PKHD1: variants seen among roughly 807,000 people sequenced by gnomAD.
The protein encoded by PKHD1 is fibrocystin.
In PKHD1, 291 loss-of-function variants were observed where a neutral mutation model predicts 412.0. The observed-to-expected ratio is 0.71, with a 90% confidence interval of 0.64 to 0.78. PKHD1 has a LOEUF of 0.78. PKHD1 is among the 30% of genes least tolerant of loss of function. PKHD1 has a pLI of 0.00. For synonymous variants in PKHD1, 1,777 were observed against 1,821.5 expected, an observed-to-expected ratio of 0.98 and a Z score of 0.62; for missense variants, 4,825 against 4,950.7, an observed-to-expected ratio of 0.97 and a Z score of 0.76.
At chr6:51,836,652 C>T (rs1416642976) in intron 50 of PKHD1, among the ~76,000 whole-genome samples, 183 bp from the exon 51 acceptor site, 1 of 152,192 alleles carries the variant, frequency 6.6e-6, no homozygotes, top group Non-Finnish European at 1.5e-5. Flanking sequence ...TGATTGCTTT[C>T]ATTTGATTAA....
chr6:51,841,176 A>G (rs1189986366), intron 50 of PKHD1, among the ~76,000 whole-genome samples: 18 of 152,222 alleles, frequency 1.2e-4, no homozygotes, highest in Non-Finnish European at 2.5e-4. Flanking sequence ...GGTTAGGTAT[A>G]TAAGCTCAGA....
At chr6:51,834,093 G>A (rs539764942) in intron 51 of PKHD1, among the ~76,000 whole-genome samples, 76 of 152,262 alleles carry the variant, frequency 5.0e-4, no homozygotes, top group African/African-American at 1.8e-3. Flanking sequence ...TGAAGAGGAG[G>A]CTAGGCTTTT....
At chr6:51,754,460 A>T (rs1786630707) in intron 56 of PKHD1, among the ~76,000 whole-genome samples, 1 of 152,192 alleles carries the variant, frequency 6.6e-6, no homozygotes, top group African/African-American at 2.4e-5. Flanking sequence ...CATAAGTTTT[A>T]TTCTGGCTTA....
chr6:52,017,819 T>C (rs970489628), intron 33 of PKHD1, among the ~76,000 whole-genome samples, 190 bp from the exon 34 acceptor site: 5 of 152,232 alleles, frequency 3.3e-5, no homozygotes, highest in African/African-American at 9.6e-5. Flanking sequence ...TTGTAAAATA[T>C]GAATAATCAT....
intron 35 of PKHD1, among the ~76,000 whole-genome samples, chr6:51,966,998 C>CT (rs1792907883): frequency 6.6e-6 from 1 of 152,012 alleles, no homozygotes; most frequent in Admixed American, 6.5e-5. Flanking sequence ...AAAGGGTGTG[C>CT]TTGGAGTACT....
intron 35 of PKHD1, among the ~76,000 whole-genome samples, chr6:51,972,742 G>A (rs1363526455): frequency 3.3e-5 from 5 of 152,134 alleles, no homozygotes; most frequent in Non-Finnish European, 2.9e-5. Flanking sequence ...AAACACATCC[G>A]CCACACATTG....
intron 60 of PKHD1, among the ~76,000 whole-genome samples, chr6:51,716,077 A>C (rs1582244638): frequency 6.6e-6 from 1 of 152,248 alleles, no homozygotes; most frequent in South Asian, 2.1e-4. Flanking sequence ...TACTAAAGGC[A>C]CATTTGCTAA....
intron 60 of PKHD1, among the ~76,000 whole-genome samples, chr6:51,716,594 C>T (rs529277821): frequency 6.6e-6 from 1 of 152,056 alleles, no homozygotes; most frequent in Non-Finnish European, 1.5e-5. Flanking sequence ...GCTCCCCTTT[C>T]TTCTGGTTAT....
chr6:51,886,247 T>G (rs1442282944), intron 44 of PKHD1, among the ~76,000 whole-genome samples: 1 of 152,208 alleles, frequency 6.6e-6, no homozygotes, highest in Non-Finnish European at 1.5e-5. Flanking sequence ...TTAATTGCTC[T>G]CTCTATTGAA....
At chr6:51,799,860 A>G (rs570832838) in intron 52 of PKHD1, among the ~76,000 whole-genome samples, 1 of 152,320 alleles carries the variant, frequency 6.6e-6, no homozygotes, top group African/African-American at 2.4e-5. Flanking sequence ...TTATTTATAC[A>G]ACTTACTTAA....
intron 60 of PKHD1, among the ~76,000 whole-genome samples, chr6:51,714,377 A>G (rs1005447882): frequency 2.0e-5 from 3 of 152,120 alleles, no homozygotes; most frequent in African/African-American, 7.2e-5. Context: ...TTCAAAAAAA[A>G]AAAATTGTCT....
chr6:51,972,384 T>C (rs1175627909), intron 35 of PKHD1, among the ~76,000 whole-genome samples: 2 of 152,210 alleles, frequency 1.3e-5, no homozygotes, highest in South Asian at 4.1e-4. Context: ...GCTTTCTGCA[T>C]GTATTGCCTG....
In PKHD1 at chr6:51,635,726, T is replaced by C. The variant is rs541193101; in HGVS notation, c.11507-3003A>G. Reference sequence around the variant, plus strand: ...ACTGAGTGATCCAAAAGAGTCCTCTTTGAGGAGATATTTGAGAAGAAATCT... The same window carrying C: ...ACTGAGTGATCCAAAAGAGTCCTCTCTGAGGAGATATTTGAGAAGAAATCT... On this transcript the variant is annotated intron_variant, in intron 64 of 66. Coordinates refer to ENST00000371117, the MANE Select transcript of PKHD1 (RefSeq NM_138694.4). Among the ~76,000 whole-genome samples, 10 of 149,986 alleles carry C rather than the reference T, an allele frequency of 6.7e-5. 1 individual carries two copies. In the East Asian group the frequency reaches 1.8e-3, roughly 26 times the overall value.
chr6:51,976,944 T>TAAAAAAAAAAAAAAAA lies in PKHD1; in HGVS notation c.5752-16934_5752-16919dup, dbSNP rs10671492. Among the ~76,000 whole-genome samples the TAAAAAAAAAAAAAAAA allele has an allele frequency of 5.0e-4, 47 of 93,514 alleles. 1 individual carries two copies. The highest frequency in any genetic ancestry group is 2.0e-3 in the African/African-American group (43 of 21,902). The allele number at this position is 93,514 out of a possible 152,430, so 61.3% of individuals were successfully genotyped here. On this transcript the variant is annotated intron_variant, in intron 35 of 66. Transcript: ENST00000371117. ...GCCTGGGTGATAGAGTGAGACTCCA[T>TAAAAAAAAAAAAAAAA]AAAAAAAAAAAAAAAAAAAACCTGA...
At chr6:51,933,059 T>G (rs557065961) in intron 37 of PKHD1, among the ~76,000 whole-genome samples, 9 of 152,262 alleles carry the variant, frequency 5.9e-5, no homozygotes, top group African/African-American at 2.2e-4. Flanking sequence ...GGAGATTGAG[T>G]CACTATCTGG....
chr6:51,622,941 T>G (rs898508521), intron 66 of PKHD1: 1 of 152,182 alleles, frequency 6.6e-6, no homozygotes, highest in Non-Finnish European at 1.5e-5. Flanking sequence ...CTATTACCTA[T>G]ATATGATATC....
rs9349603 is a variant in PKHD1 at position 51,856,040 on chromosome 6, T to C, written c.7764A>G (p.Leu2588=). 568,996 of 1,592,754 alleles carry C rather than the reference T, an allele frequency of 0.36. 114,186 individuals are homozygous for C. Among genetic ancestry groups the C allele is most frequent in the East Asian group, 0.83 (37,100 of 44,684 alleles). Residue 2588 remains leucine (L), a synonymous_variant, in exon 49 of 67, where the codon TTA becomes TTG. Transcript: ENST00000371117. ...TTTTATTTCTGCTGTCAGTCATGGT[T>C]AAATCATAAGAAACTTCAGGAGTAT... ...LANTPEVSYD[L]TMTDSRNKTT...
At chr6:51,750,514 G>A (rs572032316) in intron 57 of PKHD1, among the ~76,000 whole-genome samples, 1 of 152,264 alleles carries the variant, frequency 6.6e-6, no homozygotes, top group South Asian at 2.1e-4. Flanking sequence ...AAAGAGATGT[G>A]TAGGGCACGG....
At chr6:51,740,168 G>A (rs777928692) in intron 60 of PKHD1, 4 of 384,036 alleles carry the variant, frequency 1.0e-5, no homozygotes, top group African/African-American at 2.1e-5. Flanking sequence ...CAAGTTGGCT[G>A]CACATGCAAA....
Sources: gnomAD v4.1 joint callset for allele counts (sites outside exome capture counted in the v4.1 genomes callset) on GRCh38, gnomAD v4.1.1 for gene constraint, MANE v1.5 for transcripts, NCBI Gene and HGNC (gene_info 2026-07-23, HGNC 2026-07-21) for gene names.